The following GAS2L2 variants were observed in gnomAD, a reference collection of about 807,000 sequenced individuals.
GAS2L2 encodes GAS2-like protein 2.
Under a neutral mutation model 35.2 loss-of-function variants are expected in GAS2L2, and 21 were observed. The observed-to-expected ratio is 0.60, with a 90% CI of 0.42 to 0.86. The LOEUF (loss-of-function observed/expected upper bound fraction) is 0.86. Among genes scored for constraint, GAS2L2 ranks in the 40% least tolerant of loss-of-function variants. The pLI, the probability that GAS2L2 is intolerant of heterozygous loss-of-function variation, is 0.00. For synonymous variants in GAS2L2, 490 were observed against 473.2 expected, an observed-to-expected ratio of 1.04 and a Z score of -0.46; for missense variants, 1,169 against 1,144.4, an observed-to-expected ratio of 1.02 and a Z score of -0.31.
Position 35,744,647 on chromosome 17 carries a change from C to T in GAS2L2, c.*207G>A. The stretch of plus-strand genomic sequence containing the variant: ...GAGATACAGGATGGTCCTACTGCCC[C>T]TGGCCTACCTCTGGAGTTGGAGTGA... On this transcript the variant is annotated 3_prime_UTR_variant, in exon 6 of 6. Transcript: ENST00000604641. 1.7e-6 allele frequency: 1 copy of T among 584,028 alleles called. No individual in the cohort carries two copies. Among genetic ancestry groups the T allele is most frequent in the South Asian group, 2.2e-5 (1 of 45,104 alleles). The allele number at this position is 584,028 out of a possible 1,614,324, so 36.2% of individuals were successfully genotyped here. A position where few individuals can be genotyped will look rare whatever the true frequency, so the allele number is the denominator to read the frequency against.
chr17:35,746,014 T>C lies in GAS2L2; in HGVS notation c.1483A>G (p.Thr495Ala), dbSNP rs148993155. Residue 495 changes from threonine to alanine, a missense_variant, in exon 6 of 6, where the codon ACC becomes GCC. Around this residue, in one of 3 missense-constraint regions of GAS2L2, gnomAD observed 1,035 missense variants for 976.5 expected, o/e 1.06. Transcript: ENST00000604641. ...ATCTTGGTTAGGCCTTGGACAGGGG[T>C]TGGAGAACGGACAGACTCTGGCTCC... ...FREPESVRSPTPVQGLTKIPI... is the reference protein window; with the variant it reads ...FREPESVRSPAPVQGLTKIPI... 85 of 1,564,704 alleles carry C rather than the reference T, an allele frequency of 5.4e-5. No individual in the cohort carries two copies. The African/African-American group carries it at 9.0e-4, about 16-fold the overall frequency.
Position 35,752,981 on chromosome 17 carries a change from G to T in GAS2L2, c.-131C>A. The T allele has an allele frequency of 2.0e-6, 2 of 1,005,920 alleles. No homozygotes were observed. Among genetic ancestry groups the T allele is most frequent in the Non-Finnish European group, 1.4e-6 (1 of 706,294 alleles). The allele number at this position is 1,005,920 out of a possible 1,614,324, so 62.3% of individuals were successfully genotyped here. ...TTCCCGTGTACTCGCTGAGAGCCCG[G>T]GACCTCCAGTGCTGCTACTTGCCAC... is the stretch of plus-strand genomic sequence containing the variant. On this transcript the variant is annotated 5_prime_UTR_variant, in exon 1 of 6. Coordinates refer to ENST00000604641, the MANE Select transcript of GAS2L2 (RefSeq NM_139285.4).
chr17:35,745,470 G>A lies in GAS2L2; in HGVS notation c.2027C>T (p.Ala676Val). 2 of 1,593,224 alleles carry A rather than the reference G, an allele frequency of 1.3e-6. No individual in the cohort carries two copies. The highest frequency in any genetic ancestry group is 8.6e-7 in the Non-Finnish European group (1 of 1,168,060). ...LKVDLEAWKA[A>V]PTGSPKPAVT... is the part of the protein sequence containing the mutation. ...AGCTGGCTTAGGGGAGCCAGTCGGG[G>A]CTGCCTTCCAGGCTTCCAGGTCCAC... Residue 676 changes from alanine (A) to valine (V), a missense_variant, in exon 6 of 6, where the codon GCC (alanine) becomes GTC (valine). Transcript: ENST00000604641.
At chr17:35,749,085 C>T (rs782452014) in intron 3 of GAS2L2, 25 bp downstream of exon 3, 2 of 1,480,332 alleles carry the variant, frequency 1.4e-6, no homozygotes, top group East Asian at 4.5e-5. Context: ...TTCTGGGGGT[C>T]CCTTGACCCC....
intron 2 of GAS2L2, among the ~76,000 whole-genome samples, 157 bp from the exon 3 acceptor site, chr17:35,749,374 C>T (rs147872575): frequency 2.0e-4 from 30 of 152,294 alleles, no homozygotes; most frequent in Middle Eastern, 3.4e-3. Context: ...AATGACCCAG[C>T]GAGAACGAGA....
intron 3 of GAS2L2, 36 bp downstream of exon 3, chr17:35,749,074 A>G (rs782600869): frequency 1.4e-6 from 2 of 1,386,662 alleles, no homozygotes; most frequent in African/African-American, 2.9e-5. Flanking sequence ...AAGAAACCCT[A>G]TTCTGGGGGT....
chr17:35,748,066 A>C (rs1400703891), intron 3 of GAS2L2, 121 bp from the exon 4 acceptor site: 10 of 649,820 alleles, frequency 1.5e-5, no homozygotes, highest in Admixed American at 1.5e-4. Context: ...CCACACGTAG[A>C]TGTATGTGTG....
Position 35,745,738 on chromosome 17 carries a change from A to G in GAS2L2, c.1759T>C (p.Tyr587His). The G allele has an allele frequency of 6.2e-7, 1 of 1,613,740 alleles. No individual in the cohort carries two copies. The highest frequency in any genetic ancestry group is 8.5e-7 in the Non-Finnish European group (1 of 1,180,012). The change falls in exon 6 of 6, where the codon TAC becomes CAC. Residue 587 changes from tyrosine (Y) to histidine (H), a missense_variant. Transcript: ENST00000604641. ...DLGLQEQEGR[Y>H]TPLPLGGNKE... ...TTCCCGCCCAAGGGCAGAGGTGTGT[A>G]CCGCCCCTCCTGCTCCTGTAGGCCC...
Position 35,751,848 on chromosome 17 carries a change from C to CTTTTTTTTTT in GAS2L2, c.385+608_385+617dup, listed in dbSNP as rs587677612. On this transcript the variant is annotated intron_variant, in intron 1 of 5. Coordinates refer to ENST00000604641, the MANE Select transcript of GAS2L2 (RefSeq NM_139285.4). ...TATCCCTCTACCTCTCTCTCTCTCTCTTTTTTTTTTTTTTTTTTTTTTTTT... is the reference window on the plus strand; with the variant it reads ...TATCCCTCTACCTCTCTCTCTCTCTCTTTTTTTTTTTTTTTTTTTTTTTTTTTTTTTTTTT... 5.0e-5 allele frequency among the ~76,000 whole-genome samples: 5 copies of CTTTTTTTTTT among 99,984 alleles called. 1 individual carries two copies. Among genetic ancestry groups the CTTTTTTTTTT allele is most frequent in the African/African-American group, 2.0e-4 (4 of 20,494 alleles). The allele number at this position is 99,984 out of a possible 152,430, so 65.6% of individuals were successfully genotyped here.
rs943533237 is a variant in GAS2L2, at chr17:35,745,514, C to T, written c.1983G>A (p.Gly661=). 4.4e-5 allele frequency: 71 copies of T among 1,610,584 alleles called. No homozygotes were observed. The highest frequency in any genetic ancestry group is 5.7e-5 in the Non-Finnish European group (67 of 1,177,768). ...GGTCCACTTTAAGGAGGGATGGGGA[C>T]CCCTGAGCCAGTTCTTGGATGGCTT... ...YDKAIQELAQ[G]SPSLLKVDLE... is the part of the protein sequence containing the mutation. The change falls in exon 6 of 6, where the codon GGG becomes GGA. Residue 661 remains glycine (G), a synonymous_variant. Transcript: ENST00000604641.
chr17:35,749,830 T>C (rs2143022116), intron 2 of GAS2L2, among the ~76,000 whole-genome samples: 1 of 152,196 alleles, frequency 6.6e-6, no homozygotes, highest in East Asian at 1.9e-4. Flanking sequence ...AGGGGTTAAA[T>C]GAGAGGGGCA....
rs782424556 is a variant in GAS2L2 at position 35,745,766 on chromosome 17, G to A, written c.1731C>T (p.Asp577=). ...QVMAEARESW[D]LGLQEQEGRY... is the part of the protein sequence containing the mutation. ...GCCCCTCCTGCTCCTGTAGGCCCAG[G>A]TCCCAGGACTCTCTGGCCTCTGCCA... Residue 577 remains aspartate (D), a synonymous_variant, in exon 6 of 6, where the codon GAC becomes GAT. Coordinates refer to ENST00000604641, the MANE Select transcript of GAS2L2 (RefSeq NM_139285.4). The A allele has an allele frequency of 3.7e-6, 6 of 1,613,704 alleles. No homozygotes were observed. The African/African-American group carries it at 4.0e-5, about 11-fold the overall frequency.
At position 35,745,712 on chromosome 17, in the gene GAS2L2, G is replaced by T. The variant is rs1568099745; in HGVS notation, c.1785C>A (p.Asn595Lys). The change falls in exon 6 of 6, where the codon AAC becomes AAA. Residue 595 changes from asparagine (N) to lysine (K), a missense_variant. Transcript: ENST00000604641. The part of the protein sequence containing the change: ...GRYTPLPLGG[N>K]KEQAIYCSLE... ...GGCTACAGTAGATGGCTTGCTCCTT[G>T]TTCCCGCCCAAGGGCAGAGGTGTGT... The T allele has an allele frequency of 6.2e-7, 1 of 1,613,936 alleles. No homozygotes were observed. Among genetic ancestry groups the T allele is most frequent in the Admixed American group, 1.7e-5 (1 of 60,030 alleles).
Position 35,746,257 on chromosome 17 carries a change from C to T in GAS2L2, c.1240G>A (p.Gly414Arg), listed in dbSNP as rs267604815. 6.8e-7 allele frequency: 1 copy of T among 1,467,734 alleles called. No individual in the cohort carries two copies. The allele number at this position is 1,467,734 out of a possible 1,614,324, so 90.9% of individuals were successfully genotyped here. ...TGAACCCAAGATGTGGGAATCCTTC[C>T]CCTGGGGAGTTCAGGGGGGTATCTC... ...EERYPPELPR[G>R]RIPTSWVHEE... Residue 414 changes from glycine to arginine, a missense_variant, in exon 6 of 6, where the codon GGA becomes AGA. Gly to Arg is a moderately radical substitution (Grantham distance 125, BLOSUM62 -2). Around this residue, in one of 3 missense-constraint regions of GAS2L2, gnomAD observed 1,035 missense variants for 976.5 expected, o/e 1.06. Transcript: ENST00000604641.
At chr17:35,751,867 T>C (rs1330120612) in intron 1 of GAS2L2, among the ~76,000 whole-genome samples, 3 of 143,014 alleles carry the variant, frequency 2.1e-5, no homozygotes, top group African/African-American at 7.9e-5. Context: ...TTTTTTTTTT[T>C]TTTTTTTGAG....
Position 35,752,915 on chromosome 17 carries a change from G to A in GAS2L2, c.-65C>T, listed in dbSNP as rs1299160426. Reference sequence around the variant, plus strand: ...CTCCCACTGCCGCCTCTTTCCTCCCGCTGCTGCTGGGTCTCGGCTGGGTTC... The same window carrying A: ...CTCCCACTGCCGCCTCTTTCCTCCCACTGCTGCTGGGTCTCGGCTGGGTTC... On this transcript the variant is annotated 5_prime_UTR_variant, in exon 1 of 6. Coordinates refer to ENST00000604641, the MANE Select transcript of GAS2L2 (RefSeq NM_139285.4). 8 of 1,487,500 alleles carry A rather than the reference G, an allele frequency of 5.4e-6. No homozygotes were observed. Among genetic ancestry groups the A allele is most frequent in the African/African-American group, 4.2e-5 (3 of 72,000 alleles). 92.1% of individuals were successfully genotyped at this position (1,487,500 alleles called of 1,614,324 possible).
Position 35,752,855 on chromosome 17 carries a change from G to T in GAS2L2, c.-5C>A, listed in dbSNP as rs782188726. ...GCCTCCCGCAGGCTGGGACATGGCT[G>T]GACCCCAGCAGGGCAGGAGGTGGGC... On this transcript the variant is annotated 5_prime_UTR_variant, in exon 1 of 6. Transcript: ENST00000604641. The T allele has an allele frequency of 5.0e-6, 8 of 1,588,210 alleles. No homozygotes were observed. The highest frequency in any genetic ancestry group is 2.7e-5 in the African/African-American group (2 of 74,644).
chr17:35,748,001 AC>A, intron 3 of GAS2L2, 56 bp from the exon 4 acceptor site: 1 of 1,399,130 alleles, frequency 7.1e-7, no homozygotes, highest in Non-Finnish European at 1.0e-6. Flanking sequence ...CTCTTCCTGG[AC>A]CAGCTCGCGG....
At chr17:35,748,030 A>G in intron 3 of GAS2L2, 85 bp from the exon 4 acceptor site, 1 of 954,910 alleles carries the variant, frequency 1.0e-6, no homozygotes, top group Non-Finnish European at 1.7e-6. Flanking sequence ...GCACTCACTC[A>G]GGGATGCTCT....
Sources: allele counts gnomAD v4.1 joint callset (sites outside exome capture counted in the v4.1 genomes callset), GRCh38; gene constraint gnomAD v4.1.1; regional missense constraint gnomAD v4.1.1; transcripts MANE v1.5; gene names NCBI Gene and HGNC (gene_info 2026-07-23, HGNC 2026-07-21).